The following FBH1 variants were observed in gnomAD, a reference collection of about 807,000 sequenced individuals.
FBH1 encodes the protein F-box DNA helicase 1.
A neutral mutation model predicts 115.5 loss-of-function variants in FBH1; 43 were observed. The observed-to-expected ratio is 0.37, with a 90% CI of 0.29 to 0.48. The LOEUF (loss-of-function observed/expected upper bound fraction) is 0.48. FBH1 is among the 20% of genes least tolerant of loss of function. The probability of loss-of-function intolerance (pLI) is 0.99; values close to 1 mark genes in which losing one functional copy is unlikely to be tolerated. For missense variants in FBH1, 1,001 were observed against 1,337.3 expected (o/e 0.75, Z 3.92); for synonymous variants, 524 against 507.8 (o/e 1.03, Z -0.43).
At chr10:5,901,044 C>T (rs904500225) in intron 1 of FBH1, among the ~76,000 whole-genome samples, 2 of 151,962 alleles carry the variant, frequency 1.3e-5, no homozygotes, top group Non-Finnish European at 2.9e-5. Context: ...TTGCAGTGAG[C>T]CAAGATTGTG....
chr10:5,896,243 T>G (rs1293113242), intron 1 of FBH1, among the ~76,000 whole-genome samples: 2 of 152,056 alleles, frequency 1.3e-5, no homozygotes, highest in Non-Finnish European at 2.9e-5. Flanking sequence ...CACCAGGGCA[T>G]GGAGTGGGTC....
At position 5,897,140 on chromosome 10, in the gene FBH1, G is replaced by C. The variant is rs1454201101; in HGVS notation, c.2-5880G>C. The stretch of plus-strand genomic sequence containing the variant: ...ATTTCTTCTGACGTTTCTGTTGCTA[G>C]GTGTTGACATAGATTTAGAGATAGG... On this transcript the variant is annotated intron_variant, in intron 1 of 20. Transcript: ENST00000362091. The surrounding 1 kb of genome is among the most constrained non-coding windows in gnomAD (Gnocchi z 4.7). 6.6e-6 allele frequency among the ~76,000 whole-genome samples: 1 copy of C among 152,184 alleles called. No homozygotes were observed. The highest frequency in any genetic ancestry group is 1.5e-5 in the Non-Finnish European group (1 of 68,032).
rs939424504 is a variant in FBH1, at chr10:5,910,700, G to A, written c.1021-238G>A. Among the ~76,000 whole-genome samples, 2 of 152,140 alleles carry A rather than the reference G, an allele frequency of 1.3e-5. No individual in the cohort carries two copies. The highest frequency in any genetic ancestry group is 1.9e-4 in the East Asian group (1 of 5,196). On this transcript the variant is annotated intron_variant, in intron 5 of 20. Transcript: ENST00000362091. This position sits in a 1 kb window ranked among gnomAD's most constrained non-coding sequence, Gnocchi z 4.8. Reference sequence around the variant, plus strand: ...AGGTTCTATGTTAGATACTTCATCCGTGTTATTTAATTAAAGAAAACTAAG... The same window carrying A: ...AGGTTCTATGTTAGATACTTCATCCATGTTATTTAATTAAAGAAAACTAAG...
At chr10:5,889,691 G>A (rs1842568348), upstream of FBH1, 1 of 171,566 alleles carries the variant, frequency 5.8e-6, no homozygotes, top group Non-Finnish European at 1.2e-5. Context: ...GAGCGCTGGC[G>A]TCCGCCGTCC....
chr10:5,927,563 A>T (rs2132089983), intron 19 of FBH1, 22 bp downstream of exon 19: 1 of 1,570,812 alleles, frequency 6.4e-7, no homozygotes. Context: ...GGGCAGCATG[A>T]GCTAACTTGA....
chr10:5,903,601 T>C (rs1389732745), intron 2 of FBH1, among the ~76,000 whole-genome samples: 1 of 152,166 alleles, frequency 6.6e-6, no homozygotes, highest in Non-Finnish European at 1.5e-5. Flanking sequence ...ACTGCTGGGA[T>C]TACAGGTGTG....
In FBH1 at chr10:5,895,213, A is replaced by T; in HGVS notation, c.1+4867A>T. On this transcript the variant is annotated intron_variant, in intron 1 of 20. Coordinates refer to ENST00000362091, the MANE Select transcript of FBH1 (RefSeq NM_178150.3). The surrounding 1 kb of genome is among the most constrained non-coding windows in gnomAD (Gnocchi z 5.0). Reference sequence around the variant, plus strand: ...GTAAGAGGCATGTGGGAAACTGACCAGGGCGGTTAGCTGACTCCAAAATTG... The same window carrying T: ...GTAAGAGGCATGTGGGAAACTGACCTGGGCGGTTAGCTGACTCCAAAATTG... 2 of 1,600,134 alleles carry T rather than the reference A, an allele frequency of 1.2e-6. No homozygotes were observed. Among genetic ancestry groups the T allele is most frequent in the Non-Finnish European group, 1.7e-6 (2 of 1,171,174 alleles).
chr10:5,894,556 G>A (rs1432159781), intron 1 of FBH1: 1 of 808,088 alleles, frequency 1.2e-6, no homozygotes, highest in Non-Finnish European at 2.3e-6. Context: ...ACAATTGTAG[G>A]ATTGCTTTGA....
intron 13 of FBH1, among the ~76,000 whole-genome samples, chr10:5,919,827 G>T (rs1207309636): frequency 3.3e-5 from 5 of 152,210 alleles, no homozygotes; most frequent in African/African-American, 1.2e-4. Context: ...TCTTTTAATA[G>T]ATGGTATTTT....
rs1296217031 is a variant in FBH1 at position 5,903,089 on chromosome 10, T to C, written c.71T>C (p.Val24Ala). 6.2e-7 allele frequency: 1 copy of C among 1,613,932 alleles called. No individual in the cohort carries two copies. Among genetic ancestry groups the C allele is most frequent in the East Asian group, 2.2e-5 (1 of 44,874 alleles). ...CATTTGGCTCGGAGTCACTTGGCTG[T>C]GACCCAGCCCTTCGGTCAAAGATGG... Reference protein sequence around the residue: ...CQHLARSHLAVTQPFGQRWTN... With the variant: ...CQHLARSHLAATQPFGQRWTN... Residue 24 changes from valine (V) to alanine (A), a missense_variant, in exon 2 of 21, where the codon GTG becomes GCG. Val to Ala is a moderately conservative substitution (Grantham distance 64, BLOSUM62 0). Coordinates refer to ENST00000362091, the MANE Select transcript of FBH1 (RefSeq NM_178150.3).
intron 1 of FBH1, among the ~76,000 whole-genome samples, chr10:5,901,854 G>A (rs1843366747): frequency 6.6e-6 from 1 of 152,160 alleles, no homozygotes; most frequent in Admixed American, 6.5e-5. Flanking sequence ...GTGAGCCACT[G>A]CACCTGACCT....
rs1284435405 is a variant in FBH1 at position 5,900,315 on chromosome 10, GACTTA to G, written c.2-2704_2-2700del. 3.9e-5 allele frequency among the ~76,000 whole-genome samples: 6 copies of G among 152,216 alleles called. No individual in the cohort carries two copies. Among genetic ancestry groups the G allele is most frequent in the Admixed American group, 3.3e-4 (5 of 15,286 alleles). ...CATCTGTTCCTGATGACACTTATCA[GACTTA>G]GATGAGATTGGGCGCGTTCAGGGTG... On this transcript the variant is annotated intron_variant, in intron 1 of 20. Coordinates refer to ENST00000362091, the MANE Select transcript of FBH1 (RefSeq NM_178150.3). This position sits in a 1 kb window ranked among gnomAD's most constrained non-coding sequence, Gnocchi z 4.2.
intron 2 of FBH1, among the ~76,000 whole-genome samples, chr10:5,904,846 A>T (rs564335452): frequency 3.1e-4 from 47 of 152,100 alleles, no homozygotes; most frequent in East Asian, 5.8e-4. Flanking sequence ...TTTTTTTTTT[A>T]AATTTTACTA....
At position 5,914,065 on chromosome 10, in the gene FBH1, T is replaced by G; in HGVS notation, c.1305-113T>G. 1 of 1,076,344 alleles carries G rather than the reference T, an allele frequency of 9.3e-7. No homozygotes were observed. 66.7% of individuals were successfully genotyped at this position (1,076,344 alleles called of 1,614,324 possible). On this transcript the variant is annotated intron_variant, in intron 7 of 20. Coordinates refer to ENST00000362091, the MANE Select transcript of FBH1 (RefSeq NM_178150.3). The surrounding 1 kb of genome is among the most constrained non-coding windows in gnomAD (Gnocchi z 5.2). ...GTTTATTCTCGTAAGGGGAGGCCTT[T>G]TTTTTGGTCAGCTTTTGTTTATCCA...
intron 6 of FBH1, among the ~76,000 whole-genome samples, chr10:5,912,423 G>C (rs1425755505): frequency 1.3e-5 from 2 of 150,018 alleles, no homozygotes; most frequent in East Asian, 3.9e-4. Context: ...GAAGGGCCTT[G>C]TCCCTGAGCT....
In FBH1 at chr10:5,897,681, C is replaced by T. The variant is rs1437924593; in HGVS notation, c.2-5339C>T. On this transcript the variant is annotated intron_variant, in intron 1 of 20. Transcript: ENST00000362091. The surrounding 1 kb of genome is among the most constrained non-coding windows in gnomAD (Gnocchi z 4.7). ...ACAGAGGCCAGATCACCAGTCTAAG[C>T]GCCCCTCCCCCGGTACCGAACCTCA... 3.3e-5 allele frequency among the ~76,000 whole-genome samples: 5 copies of T among 152,270 alleles called. No homozygotes were observed. Among genetic ancestry groups the T allele is most frequent in the East Asian group, 3.9e-4 (2 of 5,180 alleles).
rs1430326770 is a variant in FBH1 at position 5,903,056 on chromosome 10, A to G, written c.38A>G (p.Asp13Gly). 5.0e-6 allele frequency: 8 copies of G among 1,613,550 alleles called. No homozygotes were observed. Among genetic ancestry groups the G allele is most frequent in the African/African-American group, 1.3e-5 (1 of 75,006 alleles). The change falls in exon 2 of 21, where the codon GAC becomes GGC. Residue 13 changes from aspartate to glycine, a missense_variant. Asp to Gly is a moderately conservative substitution (Grantham distance 94, BLOSUM62 -1). Around this residue, in one of 4 missense-constraint regions of FBH1, gnomAD observed 420 missense variants for 430.4 expected, o/e 0.98. Coordinates refer to ENST00000362091, the MANE Select transcript of FBH1 (RefSeq NM_178150.3). ...RFKRKHLTAIDCQHLARSHLA... is the reference protein window; with the variant it reads ...RFKRKHLTAIGCQHLARSHLA... ...AAGCGGAAGCATCTTACTGCCATTG[A>G]CTGCCAGCATTTGGCTCGGAGTCAC...
Position 5,910,967 on chromosome 10 carries a change from T to C in FBH1, c.1050T>C (p.Ala350=). 6.2e-7 allele frequency: 1 copy of C among 1,611,640 alleles called. No homozygotes were observed. ...GGVNIWALVA[A]VVLLSSSVND... is the part of the protein sequence containing the mutation. ...TCAACATCTGGGCCCTGGTGGCGGC[T>C]GTGGTGCTCCTCTCCAGCAGTGTGA... The change falls in exon 6 of 21, where the codon GCT becomes GCC. Residue 350 remains alanine, a synonymous_variant. Coordinates refer to ENST00000362091, the MANE Select transcript of FBH1 (RefSeq NM_178150.3). This position sits in a 1 kb window ranked among gnomAD's most constrained non-coding sequence, Gnocchi z 4.8.
rs1843258662 is a variant in FBH1, at chr10:5,900,267, A to G, written c.2-2753A>G. On this transcript the variant is annotated intron_variant, in intron 1 of 20. Coordinates refer to ENST00000362091, the MANE Select transcript of FBH1 (RefSeq NM_178150.3). This position sits in a 1 kb window ranked among gnomAD's most constrained non-coding sequence, Gnocchi z 4.2. The stretch of plus-strand genomic sequence containing the variant: ...TATGCATGCAGTTGGATAATTTGAC[A>G]GACAGTTTTGAGCATATTTTCTCAT... Among the ~76,000 whole-genome samples, 1 of 152,376 alleles carries G rather than the reference A, an allele frequency of 6.6e-6. No homozygotes were observed. The highest frequency in any genetic ancestry group is 2.1e-4 in the South Asian group (1 of 4,832).
Sources: gnomAD v4.1 joint callset for allele counts (sites outside exome capture counted in the v4.1 genomes callset) on GRCh38, gnomAD v4.1.1 for gene constraint, gnomAD v4.1.1 regional missense constraint, Gnocchi (gnomAD v3.1) non-coding constraint, MANE v1.5 for transcripts, NCBI Gene and HGNC (gene_info 2026-07-23, HGNC 2026-07-21) for gene names.